Variants in CFAP44 observed in about 807,000 individuals in gnomAD.
CFAP44 encodes cilia and flagella associated protein 44.
In CFAP44, 134 loss-of-function variants were observed where a neutral mutation model predicts 216.2. That is an observed-to-expected ratio of 0.62 (90% CI 0.54 to 0.72). The LOEUF (loss-of-function observed/expected upper bound fraction) is 0.72. CFAP44 is among the 30% of genes least tolerant of loss of function. The probability of loss-of-function intolerance (pLI) is 0.00; values close to 1 mark genes in which losing one functional copy is unlikely to be tolerated. For synonymous variants in CFAP44, 700 were observed against 727.6 expected (o/e 0.96, Z 0.61); for missense variants, 2,035 against 2,182.1 (o/e 0.93, Z 1.34).
At chr3:113,416,708 C>A (rs886252990) in intron 5 of CFAP44, 81 bp from the exon 6 acceptor site, 13 of 979,868 alleles carry the variant, frequency 1.3e-5, no homozygotes, top group Non-Finnish European at 1.9e-5. Flanking sequence ...ATTTAGCATC[C>A]ATTATTTCAT....
At chr3:113,295,249 G>A (rs1222497794) in intron 33 of CFAP44, among the ~76,000 whole-genome samples, 1 of 152,124 alleles carries the variant, frequency 6.6e-6, no homozygotes, top group Non-Finnish European at 1.5e-5. Context: ...GCTTTCTTTT[G>A]TTTTCTTATT....
chr3:113,362,645 A>C (rs779803075), intron 21 of CFAP44, among the ~76,000 whole-genome samples: 1 of 152,216 alleles, frequency 6.6e-6, no homozygotes, highest in Non-Finnish European at 1.5e-5. Context: ...ATCAGAGTGC[A>C]GGGATGCACA....
chr3:113,436,730 A>G (rs1935248971), intron 1 of CFAP44, among the ~76,000 whole-genome samples: 1 of 152,248 alleles, frequency 6.6e-6, no homozygotes. Flanking sequence ...TTTTCCAACA[A>G]AATCAAACTG....
chr3:113,431,244 T>C lies in CFAP44; in HGVS notation c.100+2321A>G, dbSNP rs569311051. On this transcript the variant is annotated intron_variant, in intron 2 of 34. Transcript: ENST00000393845. Reference sequence around the variant, plus strand: ...ACAGGATGTTCAGAATGCCAGAAAATTATTTCACATTATCATTTGGGAGTC... The same window carrying C: ...ACAGGATGTTCAGAATGCCAGAAAACTATTTCACATTATCATTTGGGAGTC... 9.9e-5 allele frequency among the ~76,000 whole-genome samples: 15 copies of C among 152,024 alleles called. 1 individual carries two copies. Among genetic ancestry groups the C allele is most frequent in the Non-Finnish European group, 2.1e-4 (14 of 68,004 alleles).
intron 6 of CFAP44, among the ~76,000 whole-genome samples, chr3:113,413,377 ACTCT>A (rs1468902476): frequency 6.7e-6 from 1 of 149,136 alleles, no homozygotes; most frequent in African/African-American, 2.5e-5. Flanking sequence ...AGTTTAATTA[ACTCT>A]CTTTTGTCAA....
chr3:113,439,584 T>G (rs563203448), intron 1 of CFAP44, among the ~76,000 whole-genome samples: 1 of 152,236 alleles, frequency 6.6e-6, no homozygotes, highest in Non-Finnish European at 1.5e-5. Context: ...GCACGCATAT[T>G]CCATTGCAAT....
intron 13 of CFAP44, 144 bp from the exon 14 acceptor site, chr3:113,396,871 T>C: frequency 6.4e-6 from 5 of 777,804 alleles, no homozygotes; most frequent in Non-Finnish European, 8.1e-6. Context: ...GTAACCTCTA[T>C]CCATTCCAGC....
chr3:113,328,782 G>A (rs569811576), intron 26 of CFAP44, among the ~76,000 whole-genome samples: 1 of 141,344 alleles, frequency 7.1e-6, no homozygotes, highest in East Asian at 2.2e-4. Context: ...TAGACTATAT[G>A]TTTGGGCTCC....
rs554860602 is a variant in CFAP44, at chr3:113,287,312, A to C, written c.*4245T>G. ...CCGGTGCTACGGGAAACATTTTCCT[A>C]AGATGCCCATGAGAACAGACCAAGA... On this transcript the variant is annotated 3_prime_UTR_variant, in exon 35 of 35. Transcript: ENST00000393845. 1 of 307,766 alleles carries C rather than the reference A, an allele frequency of 3.2e-6. No individual in the cohort carries two copies. The highest frequency in any genetic ancestry group is 6.4e-6 in the Non-Finnish European group (1 of 155,782). The allele number at this position is 307,766 out of a possible 1,614,324, so 19.1% of individuals were successfully genotyped here.
At chr3:113,324,587 G>C (rs1005514943) in intron 28 of CFAP44, among the ~76,000 whole-genome samples, 2 of 152,096 alleles carry the variant, frequency 1.3e-5, no homozygotes, top group African/African-American at 2.4e-5. Flanking sequence ...TCATGAAAAA[G>C]AGGAACAGAG....
At chr3:113,370,868 C>A (rs1933130525) in intron 18 of CFAP44, among the ~76,000 whole-genome samples, 1 of 150,432 alleles carries the variant, frequency 6.6e-6, no homozygotes, top group Non-Finnish European at 1.5e-5. Flanking sequence ...AGCTGATAAA[C>A]AACTTCGGCA....
chr3:113,404,140 G>GA, intron 8 of CFAP44, 124 bp from the exon 9 acceptor site: 1 of 1,178,264 alleles, frequency 8.5e-7, no homozygotes, highest in Non-Finnish European at 1.1e-6. Context: ...TTTTTAAATG[G>GA]AAAAATAAAA....
chr3:113,360,636 T>G (rs762186800), intron 21 of CFAP44: 11 of 154,624 alleles, frequency 7.1e-5, no homozygotes, highest in Non-Finnish European at 1.6e-4. Flanking sequence ...AAAGAAGATG[T>G]TTCTCTTGCT....
intron 32 of CFAP44, among the ~76,000 whole-genome samples, chr3:113,301,762 T>C (rs1381892543): frequency 6.6e-6 from 1 of 152,220 alleles, no homozygotes; most frequent in Admixed American, 6.5e-5. Flanking sequence ...TCACATACTT[T>C]CTTTTTCATG....
chr3:113,414,876 A>T (rs1455637008), intron 6 of CFAP44, among the ~76,000 whole-genome samples: 1 of 152,176 alleles, frequency 6.6e-6, no homozygotes, highest in African/African-American at 2.4e-5. Flanking sequence ...CTGGCTTCGT[A>T]AAATGAGTTA....
chr3:113,335,433 A>G (rs969408828), intron 24 of CFAP44, among the ~76,000 whole-genome samples: 2 of 152,202 alleles, frequency 1.3e-5, no homozygotes, highest in African/African-American at 2.4e-5. Context: ...TATCAGAGGT[A>G]CACAAAGAAA....
chr3:113,391,478 G>A (rs765818370), intron 15 of CFAP44, among the ~76,000 whole-genome samples: 10 of 152,052 alleles, frequency 6.6e-5, no homozygotes, highest in African/African-American at 2.2e-4. Context: ...CAACCAAAGC[G>A]AAAATGGACA....
chr3:113,302,772 C>CAAAAAAAA (rs57355375), intron 32 of CFAP44, among the ~76,000 whole-genome samples: 3 of 44,476 alleles, frequency 6.7e-5, no homozygotes, highest in African/African-American at 1.7e-4. Flanking sequence ...GACTCCATCT[C>CAAAAAAAA]AAAAAAAAAA....
chr3:113,334,730 T>C lies in CFAP44; in HGVS notation c.3438-1147A>G, dbSNP rs570408847. The stretch of plus-strand genomic sequence containing the variant: ...TCCCACCTACACACATACGAAACAG[T>C]GGCAATCTTTATATCCAGACTAAAA... On this transcript the variant is annotated intron_variant, in intron 24 of 34. Coordinates refer to ENST00000393845, the MANE Select transcript of CFAP44 (RefSeq NM_001164496.2). 2.0e-5 allele frequency among the ~76,000 whole-genome samples: 3 copies of C among 152,262 alleles called. No homozygotes were observed. The South Asian group carries it at 6.2e-4, about 32-fold the overall frequency.
Sources: gnomAD v4.1 joint callset for allele counts (sites outside exome capture counted in the v4.1 genomes callset) on GRCh38, gnomAD v4.1.1 for gene constraint, MANE v1.5 for transcripts, NCBI Gene and HGNC (gene_info 2026-07-23, HGNC 2026-07-21) for gene names.